Variants in SCAPER observed in about 807,000 individuals in gnomAD.
SCAPER encodes S phase cyclin A-associated protein in the endoplasmic reticulum.
A neutral mutation model predicts 182.2 loss-of-function variants in SCAPER; 98 were observed. The observed-to-expected ratio is 0.54, with a 90% CI of 0.46 to 0.64. The LOEUF is 0.64. Among genes scored for constraint, SCAPER ranks in the 30% least tolerant of loss-of-function variants. The probability of loss-of-function intolerance (pLI) is 0.00; values close to 1 mark genes in which losing one functional copy is unlikely to be tolerated. For missense variants in SCAPER, 1,432 were observed against 1,690.0 expected (o/e 0.85, Z 2.68); for synonymous variants, 605 against 564.6 (o/e 1.07, Z -1.01).
intron 29 of SCAPER, among the ~76,000 whole-genome samples, chr15:76,366,086 TAC>T (rs59741618): frequency 0.1 from 15,155 of 149,356 alleles, 736 homozygotes; most frequent in South Asian, 0.13. Flanking sequence ...CTTACACACT[TAC>T]ACACACACAC....
At chr15:76,539,579 C>T (rs191250587) in intron 23 of SCAPER, among the ~76,000 whole-genome samples, 168 of 137,010 alleles carry the variant, frequency 1.2e-3, no homozygotes, top group African/African-American at 4.1e-3. Context: ...CGGAGTCTCA[C>T]TGTCTCCCAG....
intron 25 of SCAPER, among the ~76,000 whole-genome samples, chr15:76,444,015 T>A (rs78815515): frequency 2.1e-3 from 316 of 152,330 alleles, no homozygotes; most frequent in African/African-American, 7.5e-3. Context: ...AATGATAACA[T>A]CTGCTCATTA....
At chr15:76,649,131 C>T (rs2054800101) in intron 21 of SCAPER, among the ~76,000 whole-genome samples, 1 of 152,168 alleles carries the variant, frequency 6.6e-6, no homozygotes, top group South Asian at 2.1e-4. Context: ...CTTTCTCTTT[C>T]TTTTGTCTAT....
chr15:76,535,940 T>C (rs2044122516), intron 23 of SCAPER, among the ~76,000 whole-genome samples: 1 of 152,162 alleles, frequency 6.6e-6, no homozygotes, highest in Non-Finnish European at 1.5e-5. Flanking sequence ...AATGAGAGAG[T>C]TGACTTAATA....
chr15:76,552,093 C>A (rs2045822508), intron 23 of SCAPER, among the ~76,000 whole-genome samples: 1 of 151,916 alleles, frequency 6.6e-6, no homozygotes, highest in African/African-American at 2.4e-5. Flanking sequence ...CAGGACCAGC[C>A]TGGGCAACAA....
intron 18 of SCAPER, among the ~76,000 whole-genome samples, chr15:76,704,546 G>C (rs1302653434): frequency 6.6e-6 from 1 of 152,138 alleles, no homozygotes; most frequent in African/African-American, 2.4e-5. Flanking sequence ...CATATGTCTA[G>C]CCAGTTTTCC....
intron 8 of SCAPER, among the ~76,000 whole-genome samples, chr15:76,782,908 A>G (rs1420841270): frequency 1.3e-5 from 2 of 152,238 alleles, no homozygotes; most frequent in East Asian, 3.8e-4. Context: ...TTATAGCACT[A>G]AATGCCCACA....
At chr15:76,739,484 G>A (rs2061440336) in intron 15 of SCAPER, among the ~76,000 whole-genome samples, 1 of 152,184 alleles carries the variant, frequency 6.6e-6, no homozygotes, top group Non-Finnish European at 1.5e-5. Context: ...CACAAGCACT[G>A]TGATACCATG....
intron 25 of SCAPER, among the ~76,000 whole-genome samples, chr15:76,444,531 A>G (rs1295297532): frequency 1.3e-5 from 2 of 152,124 alleles, no homozygotes; most frequent in Non-Finnish European, 2.9e-5. Flanking sequence ...TGTTTAATCT[A>G]ATTACCTATG....
Position 76,791,801 on chromosome 15 carries a change from C to T in SCAPER, c.772+3479G>A, listed in dbSNP as rs745779723. Among the ~76,000 whole-genome samples, 6 of 152,014 alleles carry T rather than the reference C, an allele frequency of 3.9e-5. No individual in the cohort carries two copies. In the South Asian group the frequency reaches 6.3e-4, roughly 16 times the overall value. On this transcript the variant is annotated intron_variant, in intron 8 of 31. Coordinates refer to ENST00000563290, the MANE Select transcript of SCAPER (RefSeq NM_020843.4). ...AAATTCAGGAATGCAGTGGCCTTGG[C>T]GAACATTCTAGCTTTTCATTTGAGA... is the stretch of plus-strand genomic sequence containing the variant.
chr15:76,639,204 A>G (rs1447940057), intron 21 of SCAPER, among the ~76,000 whole-genome samples: 1 of 152,234 alleles, frequency 6.6e-6, no homozygotes, highest in African/African-American at 2.4e-5. Context: ...GGACTGTGTT[A>G]GTTCAGAAGG....
Position 76,417,911 on chromosome 15 carries a change from G to C in SCAPER, c.3312-13232C>G, listed in dbSNP as rs2045766059. On this transcript the variant is annotated intron_variant, in intron 26 of 31. Transcript: ENST00000563290. ...TGCGCGCCTATAGTCCCAGCTACTT[G>C]GGAGGCTGAGGCAGGAGAATGGCTT... 2.6e-5 allele frequency among the ~76,000 whole-genome samples: 4 copies of C among 152,154 alleles called. No individual in the cohort carries two copies. In the South Asian group the frequency reaches 8.3e-4, roughly 32 times the overall value.
chr15:76,827,333 T>C (rs913956153), intron 5 of SCAPER, among the ~76,000 whole-genome samples: 2 of 152,158 alleles, frequency 1.3e-5, no homozygotes, highest in Non-Finnish European at 2.9e-5. Flanking sequence ...TGGAATCCCA[T>C]AGCCTGTGGA....
At chr15:76,727,401 C>T (rs1411921961) in intron 17 of SCAPER, among the ~76,000 whole-genome samples, 2 of 152,034 alleles carry the variant, frequency 1.3e-5, no homozygotes, top group African/African-American at 4.8e-5. Flanking sequence ...ACAAATTCAT[C>T]ACTGGACCAG....
chr15:76,570,997 G>A (rs1294210522), intron 23 of SCAPER, among the ~76,000 whole-genome samples: 1 of 152,042 alleles, frequency 6.6e-6, no homozygotes, highest in Non-Finnish European at 1.5e-5. Flanking sequence ...ATGATTATGT[G>A]ATGGAGTAGG....
chr15:76,716,984 A>G (rs1294451424), intron 17 of SCAPER, among the ~76,000 whole-genome samples: 3 of 152,094 alleles, frequency 2.0e-5, no homozygotes, highest in African/African-American at 7.2e-5. Context: ...CTATAATCAA[A>G]CTGGCAAAAG....
At chr15:76,892,639 T>C in intron 1 of SCAPER, among the ~76,000 whole-genome samples, 1 of 152,142 alleles carries the variant, frequency 6.6e-6, no homozygotes, top group Non-Finnish European at 1.5e-5. Flanking sequence ...TCACACCAGT[T>C]AGAATGGCCA....
rs2047834137 is a variant in SCAPER at position 76,444,266 on chromosome 15, A to T, written c.3079-9956T>A. Among the ~76,000 whole-genome samples the T allele has an allele frequency of 2.0e-5, 3 of 152,188 alleles. No individual in the cohort carries two copies. The South Asian group carries it at 6.2e-4, about 32-fold the overall frequency. On this transcript the variant is annotated intron_variant, in intron 25 of 31. Coordinates refer to ENST00000563290, the MANE Select transcript of SCAPER (RefSeq NM_020843.4). ...TAAAGGGCCCCATTTTTCTTCAGTT[A>T]ATAATGTAAAAAAGATTGCACTGAC...
Position 76,587,531 on chromosome 15 carries a change from T to C in SCAPER, c.2712-13247A>G, listed in dbSNP as rs149186385. Among the ~76,000 whole-genome samples, 1,376 of 152,356 alleles carry C rather than the reference T, an allele frequency of 9.0e-3. 22 individuals carry two copies. The highest frequency in any genetic ancestry group is 0.032 in the African/African-American group (1,335 of 41,576). On this transcript the variant is annotated intron_variant, in intron 22 of 31. Coordinates refer to ENST00000563290, the MANE Select transcript of SCAPER (RefSeq NM_020843.4). ...TATTTAAATTTCCATCTTGATTTCA[T>C]TGTTGACCCAATGATCATTCAGGAG... is the stretch of plus-strand genomic sequence containing the variant.
Sources: allele counts gnomAD v4.1 joint callset (sites outside exome capture counted in the v4.1 genomes callset), GRCh38; gene constraint gnomAD v4.1.1; transcripts MANE v1.5; gene names NCBI Gene and HGNC (gene_info 2026-07-23, HGNC 2026-07-21).